CNTNAP5: variants seen among roughly 807,000 people sequenced by gnomAD.
CNTNAP5 encodes the protein contactin associated protein family member 5.
A neutral mutation model predicts 150.2 loss-of-function variants in CNTNAP5; 72 were observed. The ratio of observed to expected loss-of-function variants is 0.48; its 90% CI spans 0.40 to 0.58. The LOEUF (loss-of-function observed/expected upper bound fraction) is 0.58. Ranked by LOEUF, CNTNAP5 falls within the 20% of genes least tolerant of loss-of-function variation. The pLI, the probability that CNTNAP5 is intolerant of heterozygous loss-of-function variation, is 0.00. For synonymous variants in CNTNAP5, 672 were observed against 619.8 expected (o/e 1.08, Z -1.25); for missense variants, 1,636 against 1,626.2 (o/e 1.01, Z -0.10).
chr2:124,627,630 G>GA (rs968459355), intron 12 of CNTNAP5, among the ~76,000 whole-genome samples: 6 of 151,754 alleles, frequency 4.0e-5, no homozygotes, highest in African/African-American at 1.5e-4. Context: ...CAGAAACACT[G>GA]AAAAATCCCA....
At chr2:124,891,480 G>A (rs1044681053) in intron 21 of CNTNAP5, among the ~76,000 whole-genome samples, 2 of 152,102 alleles carry the variant, frequency 1.3e-5, no homozygotes, top group Non-Finnish European at 2.9e-5. Context: ...GATGATTACT[G>A]TCCTTTTTGA....
intron 5 of CNTNAP5, 58 bp from the exon 6 acceptor site, chr2:124,446,695 G>A: frequency 6.5e-7 from 1 of 1,527,788 alleles, no homozygotes; most frequent in Non-Finnish European, 9.0e-7. Flanking sequence ...GGAGCATTCT[G>A]GTGTGCAAAG....
chr2:124,626,671 T>A (rs1049347536), intron 12 of CNTNAP5, among the ~76,000 whole-genome samples: 7 of 152,130 alleles, frequency 4.6e-5, no homozygotes, highest in Non-Finnish European at 1.0e-4. Context: ...AGTTTTTACA[T>A]ACATCGGGGG....
rs138310065 is a variant in CNTNAP5 at position 124,297,810 on chromosome 2, TTTATTATTATTATTATTATTA to T, written c.381+55447_381+55467del. Among the ~76,000 whole-genome samples, 204 of 126,388 alleles carry T rather than the reference TTTATTATTATTATTATTATTA, an allele frequency of 1.6e-3. 1 individual carries two copies. The highest frequency in any genetic ancestry group is 4.1e-3 in the Middle Eastern group (1 of 246). 82.9% of individuals were successfully genotyped at this position (126,388 alleles called of 152,430 possible). On this transcript the variant is annotated intron_variant, in intron 3 of 23. Transcript: ENST00000682447. ...AAGCCAGGCAATCCACATCCAATTA[TTTATTATTATTATTATTATTA>T]TTATTATTATTATTATTATTATTAT...
At chr2:124,829,984 A>G (rs916337934) in intron 19 of CNTNAP5, among the ~76,000 whole-genome samples, 1 of 151,544 alleles carries the variant, frequency 6.6e-6, no homozygotes, top group African/African-American at 2.4e-5. Context: ...ATTTTAGAAA[A>G]GATTTAACAT....
chr2:124,648,957 C>T (rs1678263071), intron 13 of CNTNAP5, among the ~76,000 whole-genome samples: 2 of 152,164 alleles, frequency 1.3e-5, no homozygotes, highest in African/African-American at 4.8e-5. Context: ...AGAAACCTAA[C>T]TAAATTCAAC....
intron 13 of CNTNAP5, among the ~76,000 whole-genome samples, chr2:124,745,524 T>A (rs937961567): frequency 6.6e-6 from 1 of 152,210 alleles, no homozygotes; most frequent in East Asian, 1.9e-4. Context: ...GCCAGTCCTC[T>A]AGGCCAGGTG....
At chr2:124,032,866 T>A (rs954665501) in intron 1 of CNTNAP5, among the ~76,000 whole-genome samples, 2 of 152,252 alleles carry the variant, frequency 1.3e-5, no homozygotes, top group Admixed American at 6.5e-5. Flanking sequence ...ATGCTGTCTC[T>A]ATCCATCATC....
intron 8 of CNTNAP5, among the ~76,000 whole-genome samples, chr2:124,519,397 A>G (rs905732489): frequency 6.6e-5 from 10 of 152,352 alleles, no homozygotes; most frequent in African/African-American, 2.4e-4. Flanking sequence ...AGCAAAGTAG[A>G]ATTCAGTAGC....
At chr2:124,028,926 G>A (rs992337323) in intron 1 of CNTNAP5, among the ~76,000 whole-genome samples, 25 of 152,116 alleles carry the variant, frequency 1.6e-4, no homozygotes, top group African/African-American at 5.1e-4. Context: ...GGTAAGAGAT[G>A]ATTGCACTGA....
intron 8 of CNTNAP5, among the ~76,000 whole-genome samples, chr2:124,508,037 A>G (rs1694455837): frequency 6.6e-6 from 1 of 152,206 alleles, no homozygotes; most frequent in Non-Finnish European, 1.5e-5. Flanking sequence ...CTTGGATATT[A>G]GCAGGCACAG....
chr2:124,051,597 G>T (rs948981250), intron 1 of CNTNAP5, among the ~76,000 whole-genome samples: 9 of 152,194 alleles, frequency 5.9e-5, no homozygotes, highest in African/African-American at 2.2e-4. Context: ...TTGTAGCAGA[G>T]AAGCAGGAAG....
At chr2:124,071,245 A>G (rs1417382264) in intron 1 of CNTNAP5, among the ~76,000 whole-genome samples, 1 of 151,628 alleles carries the variant, frequency 6.6e-6, no homozygotes, top group Admixed American at 6.6e-5. Context: ...GTGCATAAAT[A>G]AAAAAAATAA....
In CNTNAP5 at chr2:124,914,136, A is replaced by G; in HGVS notation, c.3772A>G (p.Ile1258Val). The change falls in exon 24 of 24, where the codon ATC becomes GTC. Residue 1258 changes from isoleucine to valine, a missense_variant. By Grantham distance (29) the Ile-to-Val change is conservative. Transcript: ENST00000682447. ...ATTCATCATCTTCTGTATCATCGGC[A>G]TCATGACCCGGTTCCTCTACCAGCA... ...VIFIIFCIIGIMTRFLYQHKQ... is the reference protein window; with the variant it reads ...VIFIIFCIIGVMTRFLYQHKQ... 1 of 1,612,680 alleles carries G rather than the reference A, an allele frequency of 6.2e-7. No individual in the cohort carries two copies. The highest frequency in any genetic ancestry group is 8.5e-7 in the Non-Finnish European group (1 of 1,179,072).
At chr2:124,236,116 T>A (rs900954596) in intron 2 of CNTNAP5, among the ~76,000 whole-genome samples, 3 of 151,986 alleles carry the variant, frequency 2.0e-5, no homozygotes, top group African/African-American at 7.2e-5. Context: ...CAGGCACACA[T>A]CACCATGCCC....
intron 19 of CNTNAP5, among the ~76,000 whole-genome samples, chr2:124,853,486 C>T (rs757672871): frequency 6.6e-5 from 10 of 152,094 alleles, no homozygotes; most frequent in Non-Finnish European, 1.5e-4. Context: ...GGTTCTCATC[C>T]GCTCCACTGT....
intron 3 of CNTNAP5, among the ~76,000 whole-genome samples, chr2:124,408,915 G>A (rs1324516593): frequency 1.2e-4 from 18 of 152,056 alleles, no homozygotes; most frequent in Admixed American, 5.9e-4. Flanking sequence ...AGAGAAGGAG[G>A]CTTCAGACGA....
At chr2:124,772,416 C>A (rs1681222576) in intron 16 of CNTNAP5, among the ~76,000 whole-genome samples, 1 of 152,150 alleles carries the variant, frequency 6.6e-6, no homozygotes, top group East Asian at 1.9e-4. Context: ...TTCCCAAGGC[C>A]TAAGTCTCCT....
At chr2:124,059,670 G>C in intron 1 of CNTNAP5, among the ~76,000 whole-genome samples, 1 of 151,958 alleles carries the variant, frequency 6.6e-6, no homozygotes, top group Non-Finnish European at 1.5e-5. Context: ...TCATAGGGCT[G>C]TTAAGAAGGA....
Sources: gnomAD v4.1 joint callset for allele counts (sites outside exome capture counted in the v4.1 genomes callset) on GRCh38, gnomAD v4.1.1 for gene constraint, MANE v1.5 for transcripts, NCBI Gene and HGNC (gene_info 2026-07-23, HGNC 2026-07-21) for gene names.